The following CBFB variants were observed in gnomAD, a reference collection of about 807,000 sequenced individuals.
CBFB encodes the protein core-binding factor subunit beta.
A neutral mutation model predicts 30.4 loss-of-function variants in CBFB; 9 were observed. That is an observed-to-expected ratio of 0.30 (90% CI 0.18 to 0.52). The LOEUF is 0.52. CBFB is among the 20% of genes least tolerant of loss of function. The pLI is 0.97. For missense variants in CBFB, 170 were observed against 244.0 expected, an observed-to-expected ratio of 0.70 and a Z score of 2.02; for synonymous variants, 94 against 84.0, an observed-to-expected ratio of 1.12 and a Z score of -0.65.
intron 4 of CBFB, among the ~76,000 whole-genome samples, chr16:67,070,892 A>G (rs895459254): frequency 6.6e-6 from 1 of 152,172 alleles, no homozygotes; most frequent in Admixed American, 6.5e-5. Context: ...TTTTATTAAG[A>G]TAATAGGTTA....
intron 3 of CBFB, among the ~76,000 whole-genome samples, chr16:67,054,651 T>C (rs1960660062): frequency 6.6e-6 from 1 of 152,206 alleles, no homozygotes; most frequent in Non-Finnish European, 1.5e-5. Flanking sequence ...TTTCTTACTG[T>C]CTCTTTTGTC....
At position 67,077,282 on chromosome 16, in the gene CBFB, A is replaced by G. The variant is rs533001005; in HGVS notation, c.400-4931A>G. On this transcript the variant is annotated intron_variant, in intron 4 of 5. Coordinates refer to ENST00000412916, the MANE Select transcript of CBFB (RefSeq NM_022845.3). Reference sequence around the variant, plus strand: ...TCCATGATTGGATTAGAAAAATTGAACCATTATTGGAATTGATGCATTTTC... The same window carrying G: ...TCCATGATTGGATTAGAAAAATTGAGCCATTATTGGAATTGATGCATTTTC... Among the ~76,000 whole-genome samples the G allele has an allele frequency of 2.0e-5, 3 of 152,288 alleles. No homozygotes were observed. The East Asian group carries it at 5.8e-4, about 29-fold the overall frequency.
intron 3 of CBFB, among the ~76,000 whole-genome samples, chr16:67,066,146 G>A (rs1961045061): frequency 6.6e-6 from 1 of 152,100 alleles, no homozygotes; most frequent in African/African-American, 2.4e-5. Flanking sequence ...AGTATCAACA[G>A]CCTGATCCTG....
intron 3 of CBFB, among the ~76,000 whole-genome samples, chr16:67,062,448 G>A (rs1444342953): frequency 3.3e-5 from 5 of 151,338 alleles, no homozygotes; most frequent in African/African-American, 1.2e-4. Context: ...GGGATTACAG[G>A]TGTGAGCCAC....
intron 2 of CBFB, among the ~76,000 whole-genome samples, chr16:67,032,790 T>A (rs752312976): frequency 3.9e-5 from 6 of 152,246 alleles, no homozygotes; most frequent in Admixed American, 6.5e-5. Context: ...CAGCCATAAA[T>A]GGCAAGGATA....
intron 5 of CBFB, among the ~76,000 whole-genome samples, chr16:67,092,698 C>CTCTTTTTT (rs1961925973): frequency 3.0e-5 from 1 of 33,528 alleles, no homozygotes; most frequent in African/African-American, 1.1e-4. Flanking sequence ...GTGGTGCAAT[C>CTCTTTTTT]TTTTTTTTTT....
At chr16:67,037,214 C>T (rs1309683552) in intron 3 of CBFB, among the ~76,000 whole-genome samples, 3 of 152,108 alleles carry the variant, frequency 2.0e-5, no homozygotes, top group African/African-American at 7.2e-5. Context: ...TTTTTTAAAA[C>T]CACTGTTAAA....
At chr16:67,096,477 A>ATG (rs1491323154) in intron 5 of CBFB, among the ~76,000 whole-genome samples, 13 of 151,622 alleles carry the variant, frequency 8.6e-5, no homozygotes, top group African/African-American at 3.2e-4. Context: ...ATATATATAT[A>ATG]TGTATATATA....
chr16:67,086,367 A>T (rs146150227), intron 5 of CBFB, among the ~76,000 whole-genome samples: 1 of 152,326 alleles, frequency 6.6e-6, no homozygotes, highest in African/African-American at 2.4e-5. Context: ...TCTTAGTCAT[A>T]ATCATAAAGC....
At chr16:67,074,371 T>C (rs1250212799) in intron 4 of CBFB, among the ~76,000 whole-genome samples, 1 of 148,858 alleles carries the variant, frequency 6.7e-6, no homozygotes, top group East Asian at 1.9e-4. Flanking sequence ...GTTTATAAAA[T>C]GTAAAACAGT....
At position 67,029,230 on chromosome 16, in the gene CBFB, G is replaced by A. The variant is rs1966283716; in HGVS notation, c.-178G>A. On this transcript the variant is annotated 5_prime_UTR_variant, in exon 1 of 6. Coordinates refer to ENST00000412916, the MANE Select transcript of CBFB (RefSeq NM_022845.3). ...GCGGCGGCGTGGGTTGGGCTCGAGC[G>A]GGCGGCGGCGCCTCAGACTCCCCGG... 9.5e-6 allele frequency: 3 copies of A among 315,982 alleles called. No individual in the cohort carries two copies. The highest frequency in any genetic ancestry group is 1.7e-5 in the Non-Finnish European group (3 of 180,544). 19.6% of individuals were successfully genotyped at this position (315,982 alleles called of 1,614,324 possible).
intron 3 of CBFB, among the ~76,000 whole-genome samples, chr16:67,057,639 T>TAGA (rs1181029764): frequency 2.0e-5 from 3 of 152,210 alleles, no homozygotes; most frequent in African/African-American, 7.2e-5. Context: ...AATAGTTATC[T>TAGA]TGTTCTGATT....
chr16:67,048,062 C>CA (rs541051937), intron 3 of CBFB, among the ~76,000 whole-genome samples: 5 of 151,530 alleles, frequency 3.3e-5, no homozygotes, highest in African/African-American at 4.8e-5. Context: ...AATTCCATCT[C>CA]AAAAAAAATA....
intron 3 of CBFB, among the ~76,000 whole-genome samples, chr16:67,039,040 A>G (rs537967836): frequency 5.9e-5 from 9 of 152,352 alleles, no homozygotes; most frequent in African/African-American, 1.2e-4. Flanking sequence ...GGTTTATTCT[A>G]GTACAGTCAT....
intron 3 of CBFB, among the ~76,000 whole-genome samples, chr16:67,058,884 A>G (rs1408299913): frequency 6.6e-6 from 1 of 152,190 alleles, no homozygotes; most frequent in African/African-American, 2.4e-5. Context: ...TTGATAGTGA[A>G]GTTTCAGCTT....
chr16:67,030,485 G>C (rs2145704253), intron 2 of CBFB, among the ~76,000 whole-genome samples: 1 of 152,078 alleles, frequency 6.6e-6, no homozygotes, highest in South Asian at 2.1e-4. Flanking sequence ...GTCTTCACCA[G>C]ACCTTGGGTT....
intron 2 of CBFB, among the ~76,000 whole-genome samples, chr16:67,033,537 C>T (rs1420864136): frequency 6.6e-6 from 1 of 151,244 alleles, no homozygotes; most frequent in African/African-American, 2.4e-5. Flanking sequence ...CCAGGCTGGT[C>T]TCCAACTGCT....
At chr16:67,087,045 G>A (rs1268785712) in intron 5 of CBFB, among the ~76,000 whole-genome samples, 1 of 152,114 alleles carries the variant, frequency 6.6e-6, no homozygotes, top group African/African-American at 2.4e-5. Context: ...GCATGGAGGA[G>A]TAAGGAGGAG....
intron 4 of CBFB, among the ~76,000 whole-genome samples, chr16:67,074,096 A>G (rs913496974): frequency 3.9e-5 from 6 of 152,188 alleles, no homozygotes; most frequent in Non-Finnish European, 7.3e-5. Context: ...TAGAAAATCT[A>G]AGATAATTTA....
Sources: gnomAD v4.1 joint callset for allele counts (sites outside exome capture counted in the v4.1 genomes callset) on GRCh38, gnomAD v4.1.1 for gene constraint, MANE v1.5 for transcripts, NCBI Gene and HGNC (gene_info 2026-07-23, HGNC 2026-07-21) for gene names.